PTPRD: variants seen among roughly 807,000 people sequenced by gnomAD.
PTPRD encodes protein tyrosine phosphatase receptor type D, also known as receptor-type tyrosine-protein phosphatase delta.
Under a neutral mutation model 214.5 loss-of-function variants are expected in PTPRD, and 34 were observed. That is an observed-to-expected ratio of 0.16 (90% CI 0.12 to 0.21). The LOEUF is 0.21. Ranked by LOEUF, PTPRD falls within the 10% of genes least tolerant of loss-of-function variation. The probability of loss-of-function intolerance (pLI) is 1.00; values close to 1 mark genes in which losing one functional copy is unlikely to be tolerated. For synonymous variants in PTPRD, 1,128 were observed against 845.7 expected (o/e 1.33, Z -5.79); for missense variants, 2,545 against 2,398.7 (o/e 1.06, Z -1.27).
chr9:10,217,151 C>T (rs552245155), intron 3 of PTPRD, among the ~76,000 whole-genome samples: 1 of 151,886 alleles, frequency 6.6e-6, no homozygotes, highest in African/African-American at 2.4e-5. Context: ...TTTTACTTTG[C>T]TTTACCTCAA....
chr9:9,367,158 A>G (rs1011197522), intron 9 of PTPRD, among the ~76,000 whole-genome samples: 1 of 151,546 alleles, frequency 6.6e-6, no homozygotes, highest in Non-Finnish European at 1.5e-5. Context: ...ATTTATACAT[A>G]TTTATGCTAA....
chr9:9,023,564 C>A (rs1017242744), intron 10 of PTPRD, among the ~76,000 whole-genome samples: 1 of 151,922 alleles, frequency 6.6e-6, no homozygotes, highest in Non-Finnish European at 1.5e-5. Flanking sequence ...ATTTTAGATA[C>A]AAGGGGTCCA....
intron 10 of PTPRD, among the ~76,000 whole-genome samples, chr9:9,144,430 A>C (rs937245593): frequency 6.6e-6 from 1 of 152,154 alleles, no homozygotes; most frequent in Admixed American, 6.5e-5. Context: ...TGGTACCTAA[A>C]ATCATTTAAA....
intron 10 of PTPRD, among the ~76,000 whole-genome samples, chr9:9,035,325 CTCTG>C (rs1041966779): frequency 6.6e-6 from 1 of 152,122 alleles, no homozygotes; most frequent in African/African-American, 2.4e-5. Context: ...AAAGTACCTT[CTCTG>C]TCTTTTTGAA....
At chr9:9,931,584 G>T (rs181119140) in intron 5 of PTPRD, among the ~76,000 whole-genome samples, 4 of 152,030 alleles carry the variant, frequency 2.6e-5, no homozygotes, top group Non-Finnish European at 4.4e-5. Context: ...CTATGCCCAC[G>T]GAGTCTCGCT....
At chr9:8,920,555 T>A (rs753911576) in intron 11 of PTPRD, among the ~76,000 whole-genome samples, 1 of 152,098 alleles carries the variant, frequency 6.6e-6, no homozygotes, top group Admixed American at 6.6e-5. Flanking sequence ...ACACATAAAA[T>A]ACACTAACAC....
intron 10 of PTPRD, among the ~76,000 whole-genome samples, chr9:9,147,362 A>C (rs2099870406): frequency 6.6e-6 from 1 of 151,638 alleles, no homozygotes; most frequent in African/African-American, 2.4e-5. Context: ...CTTTTTTTAA[A>C]ATTTTTATTC....
At chr9:8,699,920 T>C (rs576115538) in intron 12 of PTPRD, among the ~76,000 whole-genome samples, 26 of 152,320 alleles carry the variant, frequency 1.7e-4, no homozygotes, top group African/African-American at 6.0e-4. Flanking sequence ...TAGGCCCTGA[T>C]TGATTTAACC....
At chr9:10,190,414 A>AAAAAAAC (rs1564422118) in intron 3 of PTPRD, among the ~76,000 whole-genome samples, 2 of 76,796 alleles carry the variant, frequency 2.6e-5, no homozygotes, top group Admixed American at 1.1e-4. Context: ...AAAAAAAAAA[A>AAAAAAAC]AAAAAACAAA....
chr9:10,422,705 T>G (rs368857735), intron 2 of PTPRD, among the ~76,000 whole-genome samples: 1 of 152,070 alleles, frequency 6.6e-6, no homozygotes, highest in African/African-American at 2.4e-5. Flanking sequence ...CTTAAAAAAG[T>G]GCTCGTCATC....
chr9:9,707,202 A>C (rs1172438156), intron 7 of PTPRD, among the ~76,000 whole-genome samples: 1 of 152,190 alleles, frequency 6.6e-6, no homozygotes. Context: ...ATTTATGTAC[A>C]TGTAAGGTAT....
chr9:8,415,082 A>G (rs1414989129), intron 35 of PTPRD, among the ~76,000 whole-genome samples: 2 of 152,120 alleles, frequency 1.3e-5, no homozygotes, highest in African/African-American at 2.4e-5. Flanking sequence ...TGCAATACCT[A>G]TCTCCAATTA....
chr9:8,611,635 G>C (rs1310734546), intron 14 of PTPRD, among the ~76,000 whole-genome samples: 2 of 151,830 alleles, frequency 1.3e-5, no homozygotes, highest in African/African-American at 4.8e-5. Flanking sequence ...AGCCTGGAAG[G>C]TCTGGGCTGC....
chr9:10,165,914 T>C (rs578013718), intron 3 of PTPRD, among the ~76,000 whole-genome samples: 1 of 150,934 alleles, frequency 6.6e-6, no homozygotes, highest in Non-Finnish European at 1.5e-5. Context: ...CATGTCAATA[T>C]ATAGATCTAT....
intron 10 of PTPRD, among the ~76,000 whole-genome samples, chr9:9,137,491 A>T (rs1268959510): frequency 6.6e-6 from 1 of 152,148 alleles, no homozygotes; most frequent in Non-Finnish European, 1.5e-5. Context: ...CTGAATGAAG[A>T]GATATATAAC....
chr9:9,664,078 C>A (rs1347788673), intron 7 of PTPRD, among the ~76,000 whole-genome samples: 1 of 124,086 alleles, frequency 8.1e-6, no homozygotes, highest in Non-Finnish European at 1.7e-5. Flanking sequence ...CAAACATTTA[C>A]ACTCCTGTGT....
At chr9:9,150,219 A>G (rs977193019) in intron 10 of PTPRD, among the ~76,000 whole-genome samples, 9 of 152,034 alleles carry the variant, frequency 5.9e-5, no homozygotes, top group Non-Finnish European at 1.3e-4. Context: ...GGGTGATATT[A>G]GTGTTCCAGG....
At chr9:10,034,614 C>A (rs1478921665) in intron 3 of PTPRD, among the ~76,000 whole-genome samples, 1 of 151,952 alleles carries the variant, frequency 6.6e-6, no homozygotes, top group Non-Finnish European at 1.5e-5. Context: ...TATGTTATTA[C>A]CATCTGTGTG....
At chr9:8,534,471 C>T (rs981533916) in intron 14 of PTPRD, among the ~76,000 whole-genome samples, 2 of 151,770 alleles carry the variant, frequency 1.3e-5, no homozygotes, top group African/African-American at 4.8e-5. Flanking sequence ...GGATATCTTA[C>T]GGTTTGAGTC....
Sources: allele counts gnomAD v4.1 joint callset (sites outside exome capture counted in the v4.1 genomes callset), GRCh38; gene constraint gnomAD v4.1.1; transcripts MANE v1.5; gene names NCBI Gene and HGNC (gene_info 2026-07-23, HGNC 2026-07-21).